MSH3: variants seen among roughly 807,000 people sequenced by gnomAD.
MSH3 encodes DNA mismatch repair protein Msh3.
In MSH3, 106 loss-of-function variants were observed where a neutral mutation model predicts 123.3. The ratio of observed to expected loss-of-function variants is 0.86; its 90% CI spans 0.73 to 1.01. The LOEUF is 1.01. Among genes scored for constraint, MSH3 ranks in the 50% least tolerant of loss-of-function variants. The pLI, the probability that MSH3 is intolerant of heterozygous loss-of-function variation, is 0.00. For missense variants in MSH3, 1,459 were observed against 1,347.6 expected (o/e 1.08, Z -1.29); for synonymous variants, 515 against 481.4 (o/e 1.07, Z -0.91).
intron 13 of MSH3, among the ~76,000 whole-genome samples, chr5:80,766,560 G>A (rs1326452853): frequency 2.0e-5 from 3 of 151,880 alleles, no homozygotes. Context: ...GGTAGGGCTG[G>A]TCTCGAACTC....
At chr5:80,762,826 TTATG>T (rs1470990758) in intron 13 of MSH3, among the ~76,000 whole-genome samples, 4 of 94,464 alleles carry the variant, frequency 4.2e-5, no homozygotes, top group African/African-American at 1.4e-4. Context: ...TTATGTTATG[TTATG>T]TTATTTTATG....
At chr5:80,672,938 T>A in intron 6 of MSH3, 80 bp downstream of exon 6, 1 of 1,141,610 alleles carries the variant, frequency 8.8e-7, no homozygotes, top group Non-Finnish European at 1.3e-6. Flanking sequence ...GTTTGTTTGT[T>A]TTTTAGTTGC....
At chr5:80,695,241 G>C (rs887230097) in intron 8 of MSH3, among the ~76,000 whole-genome samples, 2 of 151,476 alleles carry the variant, frequency 1.3e-5, no homozygotes, top group Non-Finnish European at 2.9e-5. Context: ...CTATTGTTCT[G>C]TTTTTCATTT....
intron 21 of MSH3, 93 bp downstream of exon 21, chr5:80,854,409 C>A: frequency 8.7e-7 from 1 of 1,147,342 alleles, no homozygotes; most frequent in Non-Finnish European, 1.3e-6. Flanking sequence ...TTATGGGGTA[C>A]AATGTGATGT....
intron 8 of MSH3, among the ~76,000 whole-genome samples, chr5:80,684,340 C>G (rs1464188884): frequency 6.6e-6 from 1 of 151,922 alleles, no homozygotes. Context: ...TTTGTGTGTT[C>G]TCTTCAATGT....
At chr5:80,699,026 GGGCCT>G (rs1220155957) in intron 8 of MSH3, among the ~76,000 whole-genome samples, 1 of 152,160 alleles carries the variant, frequency 6.6e-6, no homozygotes, top group African/African-American at 2.4e-5. Flanking sequence ...GCATTACACA[GGGCCT>G]GGATAAAGAG....
chr5:80,780,619 C>A (rs1201351455), intron 17 of MSH3, among the ~76,000 whole-genome samples: 2 of 152,154 alleles, frequency 1.3e-5, no homozygotes, highest in East Asian at 3.9e-4. Flanking sequence ...GTAATCCCAG[C>A]AGTTTGGGAG....
At chr5:80,755,075 C>G (rs755821146) in intron 12 of MSH3, among the ~76,000 whole-genome samples, 1 of 152,058 alleles carries the variant, frequency 6.6e-6, no homozygotes, top group Admixed American at 6.6e-5. Context: ...CATTACTGCT[C>G]GGAAATGGGA....
chr5:80,707,868 A>G (rs1471613865), intron 8 of MSH3, among the ~76,000 whole-genome samples: 2 of 152,186 alleles, frequency 1.3e-5, no homozygotes, highest in African/African-American at 2.4e-5. Flanking sequence ...AACTTTAGCT[A>G]TTATAGTTAG....
intron 20 of MSH3, among the ~76,000 whole-genome samples, chr5:80,852,499 G>A (rs917163556): frequency 1.3e-5 from 2 of 152,222 alleles, no homozygotes; most frequent in Admixed American, 6.5e-5. Flanking sequence ...GGTAGACAGG[G>A]TGAACCATTG....
At chr5:80,860,042 C>T (rs1745989015) in intron 21 of MSH3, among the ~76,000 whole-genome samples, 1 of 152,032 alleles carries the variant, frequency 6.6e-6, no homozygotes, top group Admixed American at 6.6e-5. Context: ...CAAAATAATC[C>T]TGATTACTTT....
At chr5:80,846,090 T>G (rs1745715389) in intron 20 of MSH3, among the ~76,000 whole-genome samples, 1 of 152,166 alleles carries the variant, frequency 6.6e-6, no homozygotes. Context: ...GGCATTTTGG[T>G]GTGGATGTCC....
intron 20 of MSH3, among the ~76,000 whole-genome samples, chr5:80,838,575 A>C (rs545814340): frequency 1.6e-4 from 25 of 152,338 alleles, no homozygotes; most frequent in African/African-American, 6.0e-4. Flanking sequence ...TACCTATATT[A>C]AATCAGTTTT....
At chr5:80,789,149 A>G (rs1744565577) in intron 18 of MSH3, among the ~76,000 whole-genome samples, 1 of 152,200 alleles carries the variant, frequency 6.6e-6, no homozygotes, top group East Asian at 1.9e-4. Context: ...ATATTATATA[A>G]TGATTTCACT....
chr5:80,754,284 T>TTATATA (rs543692557), intron 12 of MSH3, among the ~76,000 whole-genome samples: 9 of 151,206 alleles, frequency 6.0e-5, no homozygotes, highest in African/African-American at 2.2e-4. Flanking sequence ...AATATGAATT[T>TTATATA]TATATATATA....
chr5:80,794,356 G>A (rs1292523287), intron 19 of MSH3, among the ~76,000 whole-genome samples: 1 of 152,116 alleles, frequency 6.6e-6, no homozygotes, highest in African/African-American at 2.4e-5. Flanking sequence ...CTATGCTAGT[G>A]GGGTAACTTC....
chr5:80,719,269 A>G (rs1405516460), intron 8 of MSH3, among the ~76,000 whole-genome samples: 1 of 151,982 alleles, frequency 6.6e-6, no homozygotes, highest in African/African-American at 2.4e-5. Flanking sequence ...GAAGGTCTCA[A>G]TCTCTTGACC....
intron 8 of MSH3, among the ~76,000 whole-genome samples, chr5:80,697,378 C>T (rs1463175281): frequency 3.3e-5 from 5 of 152,208 alleles, no homozygotes; most frequent in East Asian, 1.9e-4. Context: ...TCACAAATAA[C>T]GTTTTTTACC....
intron 2 of MSH3, 110 bp downstream of exon 2, chr5:80,656,641 A>G (rs887184627): frequency 1.3e-6 from 2 of 1,495,502 alleles, no homozygotes; most frequent in African/African-American, 1.4e-5. Context: ...TTGTGGAGAA[A>G]GGTCCCTTTT....
Sources: allele counts gnomAD v4.1 joint callset (sites outside exome capture counted in the v4.1 genomes callset), GRCh38; gene constraint gnomAD v4.1.1; transcripts MANE v1.5; gene names NCBI Gene and HGNC (gene_info 2026-07-23, HGNC 2026-07-21).